Variants in NAA16 observed in about 807,000 individuals in gnomAD.
NAA16 encodes the protein N-alpha-acetyltransferase 16, NatA auxiliary subunit, also known as NARG1-like protein.
Under a neutral mutation model 110.3 loss-of-function variants are expected in NAA16, and 97 were observed. The observed-to-expected ratio is 0.88, with a 90% confidence interval of 0.75 to 1.04. NAA16 has a LOEUF of 1.04. Ranked by LOEUF, NAA16 falls within the 50% of genes least tolerant of loss-of-function variation. The pLI, the probability that NAA16 is intolerant of heterozygous loss-of-function variation, is 0.00. For synonymous variants in NAA16, 372 were observed against 330.6 expected (o/e 1.13, Z -1.36); for missense variants, 1,017 against 1,005.1 (o/e 1.01, Z -0.16).
chr13:41,311,460 A>G lies in NAA16; in HGVS notation c.-69A>G, dbSNP rs1593373110. 4 of 1,474,308 alleles carry G rather than the reference A, an allele frequency of 2.7e-6. No homozygotes were observed. In the African/African-American group the frequency reaches 4.2e-5, roughly 15 times the overall value. 91.3% of individuals were successfully genotyped at this position (1,474,308 alleles called of 1,614,324 possible). On this transcript the variant is annotated 5_prime_UTR_variant, in exon 1 of 20. Transcript: ENST00000379406. ...TCAGCAGCGGTTCGTCCCGGTGCCC[A>G]CCCCCGCGAAGCGGAGCGCCCGGGC...
At chr13:41,325,933 A>G in intron 6 of NAA16, 82 bp downstream of exon 6, 2 of 1,150,074 alleles carry the variant, frequency 1.7e-6, no homozygotes, top group Non-Finnish European at 2.4e-6. Flanking sequence ...AGTCTTACGT[A>G]ACAGTTGTTA....
In NAA16 at chr13:41,369,291, G is replaced by A. The variant is rs754632616; in HGVS notation, c.1947+8G>A. 5.8e-6 allele frequency: 9 copies of A among 1,545,598 alleles called. No individual in the cohort carries two copies. The highest frequency in any genetic ancestry group is 1.3e-5 in the South Asian group (1 of 78,296). On this transcript the variant is annotated splice_region_variant and intron_variant, in intron 15 of 19. Coordinates refer to ENST00000379406, the MANE Select transcript of NAA16 (RefSeq NM_024561.5). ...CCTGAAAAATTAGAAAGGGTGAGAT[G>A]GGTTTTACTATCTTTGTTATTTGGT...
In NAA16 at chr13:41,320,697, C is replaced by G. The variant is rs886324811; in HGVS notation, c.275C>G (p.Ser92Cys). The part of the protein sequence containing the change: ...CWHVYGLLQR[S>C]DKKYDEAIKC... Reference sequence around the variant, plus strand: ...CATGTATATGGACTCTTGCAGCGTTCTGATAAAAAATATGATGAAGCTATA... The same window carrying G: ...CATGTATATGGACTCTTGCAGCGTTGTGATAAAAAATATGATGAAGCTATA... Residue 92 changes from serine (S) to cysteine (C), a missense_variant, in exon 4 of 20, where the codon TCT (serine) becomes TGT (cysteine). Physicochemically the swap from Ser to Cys is moderately radical, Grantham distance 112. Transcript: ENST00000379406. 15 of 1,611,560 alleles carry G rather than the reference C, an allele frequency of 9.3e-6. No homozygotes were observed. In the Admixed American group the frequency reaches 1.5e-4, roughly 16 times the overall value.
rs2041991160 is a variant in NAA16, at chr13:41,323,139, A to G, written c.486A>G (p.Lys162=). 2.5e-6 allele frequency: 4 copies of G among 1,614,066 alleles called. No homozygotes were observed. The South Asian group carries it at 4.4e-5, about 18-fold the overall frequency. Residue 162 remains lysine, a synonymous_variant, in exon 5 of 20, where the codon AAA becomes AAG. Coordinates refer to ENST00000379406, the MANE Select transcript of NAA16 (RefSeq NM_024561.5). ...IGYAIAYHLL[K]DYDMALKLLE... is the part of the protein sequence containing the mutation. Reference sequence around the variant, plus strand: ...ATGCTATTGCATACCATTTGCTGAAAGATTATGATATGGCCCTAAAACTGT... The same window carrying G: ...ATGCTATTGCATACCATTTGCTGAAGGATTATGATATGGCCCTAAAACTGT...
chr13:41,321,225 G>C (rs944355274), intron 4 of NAA16, among the ~76,000 whole-genome samples: 7 of 152,206 alleles, frequency 4.6e-5, no homozygotes, highest in African/African-American at 1.7e-4. Flanking sequence ...TTGAACCTAA[G>C]AGTTGAGGCT....
chr13:41,337,633 C>CT (rs759217882), intron 9 of NAA16, among the ~76,000 whole-genome samples: 12 of 151,708 alleles, frequency 7.9e-5, no homozygotes, highest in Non-Finnish European at 1.5e-4. Context: ...GCAAGTTATA[C>CT]TTTTATTTCC....
intron 1 of NAA16, among the ~76,000 whole-genome samples, chr13:41,314,215 C>T (rs991853473): frequency 2.6e-5 from 4 of 152,034 alleles, no homozygotes; most frequent in Non-Finnish European, 5.9e-5. Context: ...AGTGTCTGGA[C>T]GTATAGTAAA....
intron 14 of NAA16, 25 bp from the exon 15 acceptor site, chr13:41,369,065 A>T: frequency 6.5e-7 from 1 of 1,545,442 alleles, no homozygotes; most frequent in South Asian, 1.3e-5. Context: ...TTGGCTCAGA[A>T]TTTTGTTCAT....
At chr13:41,324,544 T>C (rs999114019) in intron 5 of NAA16, among the ~76,000 whole-genome samples, 1 of 151,498 alleles carries the variant, frequency 6.6e-6, no homozygotes, top group African/African-American at 2.4e-5. Context: ...TCTGGCTAAG[T>C]TTTGTATTTT....
intron 5 of NAA16, among the ~76,000 whole-genome samples, chr13:41,324,243 A>G: frequency 6.6e-6 from 1 of 152,172 alleles, no homozygotes; most frequent in East Asian, 1.9e-4. Context: ...TCCAAGAATC[A>G]AGTTCTGACC....
At chr13:41,317,549 C>T (rs2041841362) in intron 2 of NAA16, among the ~76,000 whole-genome samples, 1 of 152,148 alleles carries the variant, frequency 6.6e-6, no homozygotes, top group African/African-American at 2.4e-5. Context: ...TGAGATTACT[C>T]AGTATCAGAC....
chr13:41,343,221 C>T (rs1225106239), intron 9 of NAA16, among the ~76,000 whole-genome samples: 1 of 150,562 alleles, frequency 6.6e-6, no homozygotes, highest in Non-Finnish European at 1.5e-5. Flanking sequence ...CCTTCCGTCT[C>T]AGCCTCTTGA....
At chr13:41,320,150 A>T (rs557265604) in intron 3 of NAA16, among the ~76,000 whole-genome samples, 1 of 152,338 alleles carries the variant, frequency 6.6e-6, no homozygotes, top group African/African-American at 2.4e-5. Flanking sequence ...TAAGAAATAC[A>T]ACTTATTTTT....
At chr13:41,347,952 G>A (rs990866235) in intron 9 of NAA16, among the ~76,000 whole-genome samples, 2 of 152,088 alleles carry the variant, frequency 1.3e-5, no homozygotes, top group Non-Finnish European at 2.9e-5. Flanking sequence ...TCACCATTAA[G>A]TACTGTGTTA....
At chr13:41,354,120 C>A (rs560494653) in intron 9 of NAA16, among the ~76,000 whole-genome samples, 68 of 152,190 alleles carry the variant, frequency 4.5e-4, no homozygotes, top group Non-Finnish European at 8.4e-4. Context: ...ATAGTCCTAC[C>A]TTATTTCCAC....
intron 7 of NAA16, among the ~76,000 whole-genome samples, chr13:41,330,129 A>G (rs941249244): frequency 6.6e-6 from 1 of 151,920 alleles, no homozygotes; most frequent in Non-Finnish European, 1.5e-5. Context: ...TGTTAGTATA[A>G]GGGTCTTTAA....
intron 18 of NAA16, chr13:41,374,509 T>G (rs2043389871): frequency 6.2e-6 from 2 of 324,094 alleles, no homozygotes; most frequent in South Asian, 7.4e-5. Flanking sequence ...AAGCTCTGAT[T>G]TGTAGTGTAT....
chr13:41,363,144 C>G (rs922258828), intron 13 of NAA16, among the ~76,000 whole-genome samples: 1 of 152,052 alleles, frequency 6.6e-6, no homozygotes, highest in Non-Finnish European at 1.5e-5. Context: ...ATATAAAGCC[C>G]TTGGGATGAT....
intron 1 of NAA16, among the ~76,000 whole-genome samples, chr13:41,314,325 G>C (rs1283786306): frequency 6.6e-6 from 1 of 151,996 alleles, no homozygotes; most frequent in Non-Finnish European, 1.5e-5. Flanking sequence ...ATTTCTATTT[G>C]TCTTTCTCAG....
Sources: gnomAD v4.1 joint callset for allele counts (sites outside exome capture counted in the v4.1 genomes callset) on GRCh38, gnomAD v4.1.1 for gene constraint, MANE v1.5 for transcripts, NCBI Gene and HGNC (gene_info 2026-07-23, HGNC 2026-07-21) for gene names.